BCL2: variants seen among roughly 807,000 people sequenced by gnomAD.
The protein encoded by BCL2 is apoptosis regulator Bcl-2.
BCL2 carries 1 observed loss-of-function variant against 14.2 expected under a neutral mutation model. The ratio of observed to expected loss-of-function variants is 0.07; its 90% CI spans 0.02 to 0.33. The LOEUF is 0.33. BCL2 is among the 10% of genes least tolerant of loss of function. BCL2 has a pLI of 0.99. For missense variants in BCL2, 247 were observed against 305.9 expected, an observed-to-expected ratio of 0.81 and a Z score of 1.44; for synonymous variants, 151 against 137.2, an observed-to-expected ratio of 1.10 and a Z score of -0.70.
At chr18:63,193,664 A>G (rs2144654448) in intron 2 of BCL2, among the ~76,000 whole-genome samples, 1 of 151,824 alleles carries the variant, frequency 6.6e-6, no homozygotes, top group South Asian at 2.1e-4. Context: ...ACATACATAT[A>G]TATACACACA....
intron 2 of BCL2, among the ~76,000 whole-genome samples, chr18:63,226,266 A>T (rs1190507208): frequency 6.6e-6 from 1 of 152,062 alleles, no homozygotes; most frequent in South Asian, 2.1e-4. Flanking sequence ...TGGGCTCAGG[A>T]TGGGAGGCAG....
intron 2 of BCL2, among the ~76,000 whole-genome samples, chr18:63,311,906 T>C (rs1913334863): frequency 6.6e-6 from 1 of 152,194 alleles, no homozygotes; most frequent in Non-Finnish European, 1.5e-5. Flanking sequence ...CCCTAAGCTA[T>C]TTTAGTTTAG....
intron 2 of BCL2, among the ~76,000 whole-genome samples, chr18:63,182,508 G>A (rs1464358003): frequency 1.3e-5 from 2 of 152,206 alleles, no homozygotes; most frequent in Non-Finnish European, 2.9e-5. Flanking sequence ...CTGCAGAGAA[G>A]GGACTGTGGA....
rs1407923525 is a variant in BCL2 at position 63,123,493 on chromosome 18, C to A, written c.*5132G>T. ...AACTGGAGACTTACTTTACCTTAAC[C>A]ATGTAAAGTATCCTTACCGTATTTT... is the stretch of plus-strand genomic sequence containing the variant. On this transcript the variant is annotated 3_prime_UTR_variant, in exon 3 of 3. Coordinates refer to ENST00000333681, the MANE Select transcript of BCL2 (RefSeq NM_000633.3). 4.9e-6 allele frequency: 1 copy of A among 204,588 alleles called. No homozygotes were observed. The highest frequency in any genetic ancestry group is 2.3e-5 in the African/African-American group (1 of 43,642). 12.7% of individuals were successfully genotyped at this position (204,588 alleles called of 1,614,324 possible).
chr18:63,238,648 G>A (rs1230551094), intron 2 of BCL2, among the ~76,000 whole-genome samples: 1 of 152,194 alleles, frequency 6.6e-6, no homozygotes, highest in East Asian at 1.9e-4. Context: ...TAAATACATG[G>A]TGGGGCCTGA....
chr18:63,277,635 C>T (rs940925118), intron 2 of BCL2, among the ~76,000 whole-genome samples: 28 of 144,830 alleles, frequency 1.9e-4, no homozygotes, highest in Middle Eastern at 3.7e-3. Flanking sequence ...GGAAGAAACA[C>T]ACATACAAAA....
chr18:63,260,517 G>A (rs1278445752), intron 2 of BCL2, among the ~76,000 whole-genome samples: 4 of 152,218 alleles, frequency 2.6e-5, no homozygotes, highest in South Asian at 2.1e-4. Context: ...AGCCAGGCAC[G>A]CCCTGGTCAG....
chr18:63,144,356 C>T (rs1914452106), intron 2 of BCL2, among the ~76,000 whole-genome samples: 1 of 152,108 alleles, frequency 6.6e-6, no homozygotes, highest in African/African-American at 2.4e-5. Context: ...CTTTTACAAA[C>T]AACTCTAGAC....
chr18:63,253,639 G>C (rs1386455186), intron 2 of BCL2, among the ~76,000 whole-genome samples: 1 of 152,124 alleles, frequency 6.6e-6, no homozygotes, highest in Non-Finnish European at 1.5e-5. Flanking sequence ...ATTTCTACTA[G>C]AACAATTTGA....
chr18:63,282,550 A>G (rs566062313), intron 2 of BCL2, among the ~76,000 whole-genome samples: 13 of 152,300 alleles, frequency 8.5e-5, no homozygotes, highest in Non-Finnish European at 1.9e-4. Flanking sequence ...AAAGCACGGC[A>G]ATGGAATGAA....
At chr18:63,174,965 C>T (rs1915319964) in intron 2 of BCL2, among the ~76,000 whole-genome samples, 1 of 152,112 alleles carries the variant, frequency 6.6e-6, no homozygotes, top group African/African-American at 2.4e-5. Context: ...CCGTTTTCAC[C>T]TAAGATGCCA....
intron 2 of BCL2, among the ~76,000 whole-genome samples, chr18:63,245,274 G>C (rs768274793): frequency 2.6e-5 from 4 of 152,150 alleles, no homozygotes; most frequent in Non-Finnish European, 5.9e-5. Flanking sequence ...CTCATAATGT[G>C]GTCAGGGTTA....
intron 2 of BCL2, among the ~76,000 whole-genome samples, chr18:63,148,501 C>A (rs971329331): frequency 6.6e-6 from 1 of 152,062 alleles, no homozygotes; most frequent in African/African-American, 2.4e-5. Flanking sequence ...TTAGCTTAAT[C>A]CTTAATCTTT....
At chr18:63,151,085 C>G (rs1242880089) in intron 2 of BCL2, 4 of 152,170 alleles carry the variant, frequency 2.6e-5, no homozygotes, top group Non-Finnish European at 5.9e-5. Flanking sequence ...TGTCATCTCT[C>G]TAATTACTGA....
At chr18:63,258,888 CAG>C (rs1195379976) in intron 2 of BCL2, among the ~76,000 whole-genome samples, 6 of 152,196 alleles carry the variant, frequency 3.9e-5, no homozygotes, top group Non-Finnish European at 8.8e-5. Context: ...AAAGGGAAAA[CAG>C]AGAACAGTGG....
chr18:63,153,136 T>C (rs1201127735), intron 2 of BCL2, among the ~76,000 whole-genome samples: 1 of 152,210 alleles, frequency 6.6e-6, no homozygotes, highest in East Asian at 1.9e-4. Context: ...AATTACTAGA[T>C]TCGTCAATGA....
chr18:63,233,228 AT>A (rs1195086488), intron 2 of BCL2, among the ~76,000 whole-genome samples: 1 of 152,228 alleles, frequency 6.6e-6, no homozygotes, highest in African/African-American at 2.4e-5. Flanking sequence ...CAGCATATGA[AT>A]TTTGCAGGGA....
At chr18:63,296,037 C>A (rs1188346752) in intron 2 of BCL2, among the ~76,000 whole-genome samples, 1 of 152,202 alleles carries the variant, frequency 6.6e-6, no homozygotes, top group Non-Finnish European at 1.5e-5. Flanking sequence ...TACCTTTACA[C>A]TGAATATCCA....
At chr18:63,202,965 C>G (rs926110216) in intron 2 of BCL2, among the ~76,000 whole-genome samples, 5 of 152,222 alleles carry the variant, frequency 3.3e-5, no homozygotes, top group African/African-American at 1.2e-4. Context: ...AACAAGCGTC[C>G]TGGCCTACAG....
Sources: gnomAD v4.1 joint callset for allele counts (sites outside exome capture counted in the v4.1 genomes callset) on GRCh38, gnomAD v4.1.1 for gene constraint, MANE v1.5 for transcripts, NCBI Gene and HGNC (gene_info 2026-07-23, HGNC 2026-07-21) for gene names.